The following TMEM19 variants were observed in gnomAD, a reference collection of about 807,000 sequenced individuals.
The protein encoded by TMEM19 is transmembrane protein 19.
TMEM19 carries 21 observed loss-of-function variants against 33.6 expected under a neutral mutation model. That is an observed-to-expected ratio of 0.62 (90% CI 0.44 to 0.90). TMEM19 has a LOEUF of 0.90. TMEM19 is among the 40% of genes least tolerant of loss of function. The pLI is 0.00. For missense variants in TMEM19, 402 were observed against 401.8 expected, an observed-to-expected ratio of 1.00 and a Z score of 0.00; for synonymous variants, 149 against 147.5, an observed-to-expected ratio of 1.01 and a Z score of -0.07.
intron 5 of TMEM19, among the ~76,000 whole-genome samples, chr12:71,700,457 AC>A (rs1447222313): frequency 6.6e-6 from 1 of 152,196 alleles, no homozygotes; most frequent in Non-Finnish European, 1.5e-5. Flanking sequence ...TTGGAGGGGA[AC>A]CACTGGGAAG....
intron 1 of TMEM19, among the ~76,000 whole-genome samples, chr12:71,688,252 T>G (rs1170023043): frequency 6.6e-6 from 1 of 152,212 alleles, no homozygotes; most frequent in Non-Finnish European, 1.5e-5. Context: ...CCCTTTATTT[T>G]TCTGAGACGG....
intron 3 of TMEM19, 55 bp downstream of exon 3, chr12:71,696,628 A>C: frequency 6.9e-7 from 1 of 1,458,166 alleles, no homozygotes; most frequent in South Asian, 1.4e-5. Flanking sequence ...ATCCTAACAT[A>C]AGGTTTTTTT....
Position 71,686,666 on chromosome 12 carries a change from A to G in TMEM19, c.-15A>G, listed in dbSNP as rs1200721191. The G allele has an allele frequency of 1.2e-6, 2 of 1,610,722 alleles. No individual in the cohort carries two copies. Among genetic ancestry groups the G allele is most frequent in the Non-Finnish European group, 1.7e-6 (2 of 1,179,344 alleles). On this transcript the variant is annotated 5_prime_UTR_variant, in exon 1 of 6. Transcript: ENST00000266673. ...TAAATATTCTTTCCCGCAGGAGCTC[A>G]TATCCTTATTTTCCATGACAGATCT...
At chr12:71,699,224 A>G in intron 5 of TMEM19, 115 bp downstream of exon 5, 2 of 1,066,068 alleles carry the variant, frequency 1.9e-6, no homozygotes. Flanking sequence ...TTGAGGGACT[A>G]GAAATGATAG....
chr12:71,697,498 C>T lies in TMEM19; in HGVS notation c.601C>T (p.Pro201Ser), dbSNP rs764154718. ...EVGPVLSKSS[P>S]RLITTWEKVP... ...TGGCCCAGTTCTGAGTAAAAGTTCT[C>T]CAAGACTGATAACAACCTGGGAGAA... The change falls in exon 4 of 6, where the codon CCA becomes TCA. Residue 201 changes from proline (P) to serine (S), a missense_variant. Transcript: ENST00000266673. The T allele has an allele frequency of 2.3e-5, 36 of 1,585,594 alleles. No homozygotes were observed. In the South Asian group the frequency reaches 3.9e-4, roughly 17 times the overall value.
intron 2 of TMEM19, chr12:71,690,445 G>C (rs767338646): frequency 2.0e-5 from 3 of 152,202 alleles, no homozygotes; most frequent in Non-Finnish European, 2.9e-5. Context: ...GAGCCACCAT[G>C]CCTGACCCCT....
At chr12:71,697,225 G>GT in intron 3 of TMEM19, 55 bp from the exon 4 acceptor site, 10 of 1,547,562 alleles carry the variant, frequency 6.5e-6, no homozygotes, top group Non-Finnish European at 8.6e-6. Flanking sequence ...TAACTGCATG[G>GT]TTTTTCTTCT....
chr12:71,701,088 G>A lies in TMEM19; in HGVS notation c.*93G>A. 7.6e-7 allele frequency: 1 copy of A among 1,310,198 alleles called. No homozygotes were observed. Among genetic ancestry groups the A allele is most frequent in the South Asian group, 1.8e-5 (1 of 55,128 alleles). The allele number at this position is 1,310,198 out of a possible 1,614,324, so 81.2% of individuals were successfully genotyped here. On this transcript the variant is annotated 3_prime_UTR_variant, in exon 6 of 6. Coordinates refer to ENST00000266673, the MANE Select transcript of TMEM19 (RefSeq NM_018279.4). ...TAAGAATAATAACTGTAATGGCAAAGCGGAAATGCCAGTTCCTCCTGTATT... is the reference window on the plus strand; with the variant it reads ...TAAGAATAATAACTGTAATGGCAAAACGGAAATGCCAGTTCCTCCTGTATT...
intron 1 of TMEM19, among the ~76,000 whole-genome samples, chr12:71,687,932 T>C (rs1208613639): frequency 6.6e-6 from 1 of 152,204 alleles, no homozygotes; most frequent in Non-Finnish European, 1.5e-5. Flanking sequence ...TGTGAATAGT[T>C]GGAAAGGGTT....
At chr12:71,694,117 A>G (rs900846853) in intron 2 of TMEM19, among the ~76,000 whole-genome samples, 6 of 152,172 alleles carry the variant, frequency 3.9e-5, no homozygotes, top group African/African-American at 1.4e-4. Context: ...GGTATTTAGA[A>G]CCATTCATGA....
Position 71,699,126 on chromosome 12 carries a change from A to G in TMEM19, c.847+17A>G. The G allele has an allele frequency of 6.2e-7, 1 of 1,612,404 alleles. No individual in the cohort carries two copies. The highest frequency in any genetic ancestry group is 8.5e-7 in the Non-Finnish European group (1 of 1,178,484). On this transcript the variant is annotated intron_variant, in intron 5 of 5. Coordinates refer to ENST00000266673, the MANE Select transcript of TMEM19 (RefSeq NM_018279.4). ...AGTATACTGGTAAGAACATTCCTTC[A>G]TTCTTGCAACTTATTGGTATGTTAA...
intron 2 of TMEM19, among the ~76,000 whole-genome samples, chr12:71,693,305 G>A (rs888160901): frequency 6.6e-6 from 1 of 151,944 alleles, no homozygotes; most frequent in African/African-American, 2.4e-5. Context: ...CAAGCAGTTC[G>A]CCTGCCTCAG....
chr12:71,698,919 A>G lies in TMEM19; in HGVS notation c.657A>G (p.Thr219=). The change falls in exon 5 of 6, where the codon ACA becomes ACG. Residue 219 remains threonine, a synonymous_variant. Coordinates refer to ENST00000266673, the MANE Select transcript of TMEM19 (RefSeq NM_018279.4). ...CTTCAGGTACCAATGGAGGAGTTAC[A>G]GTGGTGGGCCTTGTCTCCAGTCTCC... is the stretch of plus-strand genomic sequence containing the variant. ...KVPVGTNGGV[T]VVGLVSSLLG... 1.2e-6 allele frequency: 2 copies of G among 1,614,036 alleles called. No homozygotes were observed. The highest frequency in any genetic ancestry group is 2.2e-5 in the East Asian group (1 of 44,894).
chr12:71,698,730 A>C (rs1881924126), intron 4 of TMEM19, among the ~76,000 whole-genome samples, 170 bp from the exon 5 acceptor site: 1 of 151,956 alleles, frequency 6.6e-6, no homozygotes, highest in African/African-American at 2.4e-5. Flanking sequence ...TTAAAATGTC[A>C]AGAGTTACCG....
intron 2 of TMEM19, among the ~76,000 whole-genome samples, chr12:71,691,461 T>C (rs1048794015): frequency 1.7e-4 from 26 of 151,792 alleles, no homozygotes; most frequent in Non-Finnish European, 3.7e-4. Flanking sequence ...CATGGACTTA[T>C]GCTTTGCTAA....
At chr12:71,699,326 C>A in intron 5 of TMEM19, 1 of 610,876 alleles carries the variant, frequency 1.6e-6, no homozygotes, top group Non-Finnish European at 2.9e-6. Context: ...GATTAGAAGC[C>A]ATGTGGGGAA....
In TMEM19 at chr12:71,703,954, C is replaced by G; in HGVS notation, c.*2959C>G. ...TTTTGAATTGGATATTTAACTAATT[C>G]AACATATTTTTCCTCTTTGCAGAAT... On this transcript the variant is annotated 3_prime_UTR_variant, in exon 6 of 6. Coordinates refer to ENST00000266673, the MANE Select transcript of TMEM19 (RefSeq NM_018279.4). 2.5e-6 allele frequency: 1 copy of G among 405,352 alleles called. No individual in the cohort carries two copies. The highest frequency in any genetic ancestry group is 1.7e-5 in the South Asian group (1 of 57,972). 25.1% of individuals were successfully genotyped at this position (405,352 alleles called of 1,614,324 possible). A position where few individuals can be genotyped will look rare whatever the true frequency, so the allele number is the denominator to read the frequency against.
chr12:71,699,000 T>G lies in TMEM19; in HGVS notation c.738T>G (p.Asn246Lys). ...TCCTCACACAGCTGATTTTTGTGAA[T>G]GATTTAGACATTTCTGCCCCGCAGT... is the stretch of plus-strand genomic sequence containing the variant. ...AYFLTQLIFV[N>K]DLDISAPQWP... The change falls in exon 5 of 6, where the codon AAT becomes AAG. Residue 246 changes from asparagine (N) to lysine (K), a missense_variant. By Grantham distance (94) the Asn-to-Lys change is moderately conservative. Transcript: ENST00000266673. 1 of 1,614,202 alleles carries G rather than the reference T, an allele frequency of 6.2e-7. No individual in the cohort carries two copies.
Position 71,686,687 on chromosome 12 carries a change from G to A in TMEM19, c.7G>A (p.Asp3Asn). The A allele has an allele frequency of 1.2e-6, 2 of 1,610,596 alleles. No homozygotes were observed. The highest frequency in any genetic ancestry group is 1.7e-6 in the Non-Finnish European group (2 of 1,179,326). The change falls in exon 1 of 6, where the codon GAT (aspartate) becomes AAT (asparagine). Residue 3 changes from aspartate to asparagine, a missense_variant. Transcript: ENST00000266673. MT[D>N]LNDNICKRYI... is the part of the protein sequence containing the mutation. ...GCTCATATCCTTATTTTCCATGACA[G>A]ATCTTAACGACAATATATGCAAAAG... is the stretch of plus-strand genomic sequence containing the variant.
Sources: gnomAD v4.1 joint callset for allele counts (sites outside exome capture counted in the v4.1 genomes callset) on GRCh38, gnomAD v4.1.1 for gene constraint, MANE v1.5 for transcripts, NCBI Gene and HGNC (gene_info 2026-07-23, HGNC 2026-07-21) for gene names.